The following YAF2 variants were observed in gnomAD, a reference collection of about 807,000 sequenced individuals.
The protein encoded by YAF2 is YY1 associated factor 2.
A neutral mutation model predicts 20.1 loss-of-function variants in YAF2; 7 were observed. That is an observed-to-expected ratio of 0.35 (90% CI 0.20 to 0.65). The LOEUF is 0.65. Ranked by LOEUF, YAF2 falls within the 30% of genes least tolerant of loss-of-function variation. The probability of loss-of-function intolerance (pLI) is 0.69; values close to 1 mark genes in which losing one functional copy is unlikely to be tolerated. For missense variants in YAF2, 151 were observed against 219.2 expected, an observed-to-expected ratio of 0.69 and a Z score of 1.96; for synonymous variants, 74 against 76.0, an observed-to-expected ratio of 0.97 and a Z score of 0.14.
intron 2 of YAF2, among the ~76,000 whole-genome samples, chr12:42,216,985 T>A (rs1218244332): frequency 1.3e-5 from 2 of 152,110 alleles, no homozygotes; most frequent in African/African-American, 2.4e-5. Context: ...CCTAAACACA[T>A]CTATAATACA....
intron 2 of YAF2, among the ~76,000 whole-genome samples, chr12:42,236,903 AGAC>A (rs1239828410): frequency 6.6e-6 from 1 of 152,200 alleles, no homozygotes; most frequent in Non-Finnish European, 1.5e-5. Context: ...ATTTTTTAAA[AGAC>A]AGAGTTATTA....
intron 2 of YAF2, among the ~76,000 whole-genome samples, chr12:42,177,871 C>T (rs1356259238): frequency 1.3e-5 from 2 of 152,164 alleles, no homozygotes; most frequent in Admixed American, 6.5e-5. Flanking sequence ...CAGCATTCTA[C>T]TCTCCAACTT....
intron 2 of YAF2, among the ~76,000 whole-genome samples, chr12:42,209,892 G>A (rs938668534): frequency 6.6e-5 from 10 of 152,136 alleles, no homozygotes; most frequent in African/African-American, 2.4e-4. Context: ...TCTGCCTCCT[G>A]GGTTCAAGCG....
At chr12:42,162,673 A>G (rs1273469988) in intron 2 of YAF2, among the ~76,000 whole-genome samples, 3 of 152,236 alleles carry the variant, frequency 2.0e-5, no homozygotes, top group African/African-American at 2.4e-5. Flanking sequence ...CAGTTTTTAA[A>G]AAATCTTTTT....
chr12:42,226,205 A>G (rs973299172), intron 2 of YAF2, among the ~76,000 whole-genome samples: 2 of 152,176 alleles, frequency 1.3e-5, no homozygotes, highest in East Asian at 3.8e-4. Flanking sequence ...TATTTTAGTC[A>G]AGAAACACTT....
chr12:42,170,153 T>C (rs999364242), intron 2 of YAF2, among the ~76,000 whole-genome samples: 2 of 152,198 alleles, frequency 1.3e-5, no homozygotes, highest in African/African-American at 2.4e-5. Flanking sequence ...GTTACAGGCA[T>C]GAGCCACCAG....
intron 2 of YAF2, among the ~76,000 whole-genome samples, chr12:42,189,051 A>G (rs2137088646): frequency 6.6e-6 from 1 of 152,324 alleles, no homozygotes; most frequent in East Asian, 1.9e-4. Flanking sequence ...GCCTTCCTGT[A>G]GAGATGATTT....
intron 2 of YAF2, among the ~76,000 whole-genome samples, chr12:42,194,739 T>C (rs2066706599): frequency 6.6e-6 from 1 of 152,248 alleles, no homozygotes; most frequent in South Asian, 2.1e-4. Flanking sequence ...ATTTACTAAA[T>C]ACTACCTATG....
chr12:42,235,761 A>C, intron 2 of YAF2: 1 of 559,496 alleles, frequency 1.8e-6, no homozygotes. Context: ...ATGTACTGGT[A>C]AAAAAAAAAA....
At chr12:42,228,262 C>T (rs1317535978) in intron 2 of YAF2, among the ~76,000 whole-genome samples, 2 of 81,762 alleles carry the variant, frequency 2.4e-5, no homozygotes, top group Non-Finnish European at 4.6e-5. Flanking sequence ...GTCGGCCCCC[C>T]GCCCGCGCCA....
chr12:42,216,404 C>A (rs1014655377), intron 2 of YAF2, among the ~76,000 whole-genome samples: 1 of 152,078 alleles, frequency 6.6e-6, no homozygotes, highest in Non-Finnish European at 1.5e-5. Flanking sequence ...TGGCTAAACA[C>A]ACCCCCCTCT....
chr12:42,224,303 A>C (rs1302446959), intron 2 of YAF2, among the ~76,000 whole-genome samples: 2 of 152,214 alleles, frequency 1.3e-5, no homozygotes, highest in Admixed American at 6.5e-5. Flanking sequence ...TTAGTTTCTG[A>C]TAGGCCCTTG....
At chr12:42,194,937 T>C (rs951681296) in intron 2 of YAF2, among the ~76,000 whole-genome samples, 1 of 152,254 alleles carries the variant, frequency 6.6e-6, no homozygotes, top group African/African-American at 2.4e-5. Context: ...CCTAGCTTAC[T>C]GACAACACTT....
intron 2 of YAF2, chr12:42,212,507 T>C (rs750327898): frequency 2.1e-5 from 9 of 431,448 alleles, no homozygotes; most frequent in South Asian, 3.4e-5. Context: ...AGAAAGTGTA[T>C]AGTTTTTCCT....
At chr12:42,213,109 C>A (rs1221124994) in intron 2 of YAF2, among the ~76,000 whole-genome samples, 4 of 152,178 alleles carry the variant, frequency 2.6e-5, no homozygotes, top group Admixed American at 6.5e-5. Flanking sequence ...TTTGGGAGTC[C>A]AAGGCGGGCC....
chr12:42,168,343 T>A (rs1327329838), intron 2 of YAF2, among the ~76,000 whole-genome samples: 1 of 152,034 alleles, frequency 6.6e-6, no homozygotes. Context: ...CATGCCCAGC[T>A]AATTTTTTTT....
intron 2 of YAF2, among the ~76,000 whole-genome samples, chr12:42,218,730 T>C (rs1456836513): frequency 4.6e-5 from 7 of 152,178 alleles, no homozygotes; most frequent in Non-Finnish European, 1.0e-4. Context: ...TATACTTTGA[T>C]AGCATTATGA....
At chr12:42,171,136 G>C (rs1242670789) in intron 2 of YAF2, among the ~76,000 whole-genome samples, 1 of 152,108 alleles carries the variant, frequency 6.6e-6, no homozygotes, top group East Asian at 1.9e-4. Context: ...GGGATTGCAC[G>C]TATGTGCCAC....
intron 2 of YAF2, among the ~76,000 whole-genome samples, chr12:42,187,780 G>C (rs1450361242): frequency 1.3e-5 from 2 of 151,978 alleles, no homozygotes; most frequent in Non-Finnish European, 2.9e-5. Context: ...TCATGCCTTT[G>C]GCCTTCCCAC....
Sources: gnomAD v4.1 joint callset for allele counts (sites outside exome capture counted in the v4.1 genomes callset) on GRCh38, gnomAD v4.1.1 for gene constraint, MANE v1.5 for transcripts, NCBI Gene and HGNC (gene_info 2026-07-23, HGNC 2026-07-21) for gene names.